RANBP2: variants seen among roughly 807,000 people sequenced by gnomAD.
The protein encoded by RANBP2 is E3 SUMO-protein ligase RanBP2.
In RANBP2, 57 loss-of-function variants were observed where a neutral mutation model predicts 303.6. The observed-to-expected ratio is 0.19, with a 90% CI of 0.15 to 0.23. The LOEUF (loss-of-function observed/expected upper bound fraction) is 0.23, where lower values mean the gene tolerates loss of function less well. Ranked by LOEUF, RANBP2 falls within the 10% of genes least tolerant of loss-of-function variation. The pLI, the probability that RANBP2 is intolerant of heterozygous loss-of-function variation, is 1.00. For missense variants in RANBP2, 3,138 were observed against 3,780.8 expected, an observed-to-expected ratio of 0.83 and a Z score of 4.46; for synonymous variants, 1,167 against 1,301.5, an observed-to-expected ratio of 0.90 and a Z score of 2.23.
At chr2:108,910,575 G>C in the RANBP2 span, 1,314 of 1,541,552 alleles carry the variant, frequency 8.5e-4, 1 homozygote, top group Non-Finnish European at 1.1e-3. Context: ...AGTTAGAATT[G>C]GCTCATGGCT....
At chr2:109,508,879 C>T in the RANBP2 span, among the ~76,000 whole-genome samples, 1 of 152,346 alleles carries the variant, frequency 6.6e-6, no homozygotes, top group Admixed American at 6.5e-5. Flanking sequence ...GTCATGGACT[C>T]GGCAGTCTGT....
chr2:108,979,730 C>G, the RANBP2 span, among the ~76,000 whole-genome samples: 1 of 152,118 alleles, frequency 6.6e-6, no homozygotes, highest in African/African-American at 2.4e-5. Flanking sequence ...GTCCAGGCAG[C>G]AGTAGCCAAC....
the RANBP2 span, among the ~76,000 whole-genome samples, chr2:109,327,391 A>G: frequency 6.6e-6 from 1 of 152,142 alleles, no homozygotes; most frequent in Non-Finnish European, 1.5e-5. Flanking sequence ...TCTATTGTTG[A>G]TTAAACTATT....
the RANBP2 span, among the ~76,000 whole-genome samples, chr2:108,904,190 C>G: frequency 2.0e-5 from 3 of 151,898 alleles, no homozygotes; most frequent in African/African-American, 7.3e-5. Context: ...CTGAAGAGGA[C>G]ACACAGATGA....
At chr2:108,723,282 TC>T (rs1356062243) in intron 1 of RANBP2, among the ~76,000 whole-genome samples, 4 of 150,302 alleles carry the variant, frequency 2.7e-5, no homozygotes, top group African/African-American at 7.5e-5. Context: ...CATTTTCTTT[TC>T]TTTTTTTTTT....
chr2:109,707,724 C>A, the RANBP2 span, among the ~76,000 whole-genome samples: 1 of 152,226 alleles, frequency 6.6e-6, no homozygotes, highest in African/African-American at 2.4e-5. Flanking sequence ...GTTTGAATAG[C>A]CCTCTGCCCA....
the RANBP2 span, among the ~76,000 whole-genome samples, chr2:108,845,683 T>C: frequency 3.3e-5 from 5 of 151,760 alleles, no homozygotes; most frequent in African/African-American, 1.2e-4. Flanking sequence ...ACCATTCTCC[T>C]GTCTCAGCCT....
chr2:108,780,081 T>C (rs1201617526), intron 25 of RANBP2, among the ~76,000 whole-genome samples: 1 of 152,132 alleles, frequency 6.6e-6, no homozygotes, highest in African/African-American at 2.4e-5. Context: ...TATTAGGAAG[T>C]TTATCCAAGG....
At chr2:109,033,955 C>CAA in the RANBP2 span, among the ~76,000 whole-genome samples, 1 of 106,882 alleles carries the variant, frequency 9.4e-6, no homozygotes. Flanking sequence ...ACCCTGACTC[C>CAA]AAAAAAAAAA....
At chr2:108,873,666 T>G in the RANBP2 span, 2 of 1,062,448 alleles carry the variant, frequency 1.9e-6, no homozygotes, top group East Asian at 5.3e-5. Context: ...GTTTTAATCT[T>G]TTGGCTTCCC....
the RANBP2 span, among the ~76,000 whole-genome samples, chr2:109,159,898 C>T: frequency 6.6e-6 from 1 of 152,138 alleles, no homozygotes; most frequent in Admixed American, 6.5e-5. Context: ...AAACTCATGG[C>T]TCCAACTGAT....
At chr2:108,920,652 C>T in the RANBP2 span, among the ~76,000 whole-genome samples, 240 of 152,310 alleles carry the variant, frequency 1.6e-3, no homozygotes, top group African/African-American at 5.4e-3. Context: ...TGCAATCTGA[C>T]GCCTGTCCTC....
chr2:109,558,101 T>C, the RANBP2 span, among the ~76,000 whole-genome samples: 1 of 152,206 alleles, frequency 6.6e-6, no homozygotes, highest in Non-Finnish European at 1.5e-5. Flanking sequence ...CTGACATGAA[T>C]ATTTAATGCC....
chr2:109,220,370 G>A, the RANBP2 span, among the ~76,000 whole-genome samples: 1 of 152,164 alleles, frequency 6.6e-6, no homozygotes, highest in South Asian at 2.1e-4. Context: ...ATTAGGCAAT[G>A]ATTTCTTGAG....
At chr2:109,356,788 C>T in the RANBP2 span, among the ~76,000 whole-genome samples, 1 of 152,148 alleles carries the variant, frequency 6.6e-6, no homozygotes, top group African/African-American at 2.4e-5. Flanking sequence ...GGTGCAAATC[C>T]CACCCTCCTG....
chr2:109,294,250 A>G, the RANBP2 span, among the ~76,000 whole-genome samples: 1 of 152,074 alleles, frequency 6.6e-6, no homozygotes, highest in Non-Finnish European at 1.5e-5. Context: ...TGCTCTGAAG[A>G]CAGTGTCCTG....
the RANBP2 span, among the ~76,000 whole-genome samples, chr2:108,989,549 G>A: frequency 1.3e-5 from 2 of 152,002 alleles, no homozygotes; most frequent in Non-Finnish European, 2.9e-5. Context: ...CTACAGGCAT[G>A]GGTGCCACTG....
the RANBP2 span, among the ~76,000 whole-genome samples, chr2:109,644,596 A>G: frequency 4.6e-5 from 7 of 152,190 alleles, 1 homozygote; most frequent in Admixed American, 1.3e-4. Flanking sequence ...AAGAATAGAA[A>G]AGAAAGTGGG....
chr2:108,928,971 C>A, the RANBP2 span, among the ~76,000 whole-genome samples: 723 of 152,292 alleles, frequency 4.7e-3, 6 homozygotes, highest in African/African-American at 0.016. Flanking sequence ...TGGTTAATGG[C>A]CACTTAGGAG....
Sources: gnomAD v4.1 joint callset for allele counts (sites outside exome capture counted in the v4.1 genomes callset) on GRCh38, gnomAD v4.1.1 for gene constraint, MANE v1.5 for transcripts, NCBI Gene and HGNC (gene_info 2026-07-23, HGNC 2026-07-21) for gene names.